PDE7A: variants seen among roughly 807,000 people sequenced by gnomAD.
PDE7A encodes phosphodiesterase 7A.
A neutral mutation model predicts 64.3 loss-of-function variants in PDE7A; 39 were observed. The ratio of observed to expected loss-of-function variants is 0.61; its 90% CI spans 0.47 to 0.79. The LOEUF is 0.79. Ranked by LOEUF, PDE7A falls within the 30% of genes least tolerant of loss-of-function variation. PDE7A has a pLI of 0.00. For missense variants in PDE7A, 470 were observed against 582.8 expected, an observed-to-expected ratio of 0.81 and a Z score of 1.99; for synonymous variants, 203 against 206.8, an observed-to-expected ratio of 0.98 and a Z score of 0.16.
chr8:65,761,963 C>G (rs1404743855), intron 3 of PDE7A, among the ~76,000 whole-genome samples: 1 of 152,178 alleles, frequency 6.6e-6, no homozygotes, highest in Admixed American at 6.5e-5. Context: ...ACAAAAGAGG[C>G]CTTTAACAGA....
chr8:65,792,347 A>C (rs1809723988), intron 1 of PDE7A, among the ~76,000 whole-genome samples: 3 of 152,214 alleles, frequency 2.0e-5, no homozygotes, highest in South Asian at 2.1e-4. Context: ...AGCAGACCTC[A>C]CTATTTTATG....
At chr8:65,751,952 T>C (rs77141667) in intron 3 of PDE7A, among the ~76,000 whole-genome samples, 7,893 of 152,300 alleles carry the variant, frequency 0.052, 708 homozygotes, top group African/African-American at 0.18. Context: ...TGTTCTTTTA[T>C]AAGGCTGTAA....
chr8:65,756,005 T>C (rs1808225298), intron 3 of PDE7A, among the ~76,000 whole-genome samples: 1 of 152,266 alleles, frequency 6.6e-6, no homozygotes, highest in Non-Finnish European at 1.5e-5. Flanking sequence ...CTCCCCTTCA[T>C]TCTTCAAGGA....
At chr8:65,823,214 G>T (rs917392583) in intron 1 of PDE7A, among the ~76,000 whole-genome samples, 1 of 152,010 alleles carries the variant, frequency 6.6e-6, no homozygotes, top group African/African-American at 2.4e-5. Context: ...GAAATGAGCT[G>T]AGGCCAACCA....
At chr8:65,839,824 T>G (rs1037445344) in intron 1 of PDE7A, among the ~76,000 whole-genome samples, 1 of 152,200 alleles carries the variant, frequency 6.6e-6, no homozygotes, top group African/African-American at 2.4e-5. Context: ...TCAGCCTCAT[T>G]TTAATCCCTT....
chr8:65,808,635 T>C (rs1810167609), intron 1 of PDE7A, among the ~76,000 whole-genome samples: 1 of 152,234 alleles, frequency 6.6e-6, no homozygotes, highest in Non-Finnish European at 1.5e-5. Flanking sequence ...TTGCATGTTC[T>C]TTCCCTTGAT....
chr8:65,809,001 C>A lies in PDE7A; in HGVS notation c.139-26158G>T, dbSNP rs558793927. The stretch of plus-strand genomic sequence containing the variant: ...TGATCTGATTCATGAAATTGCATAA[C>A]CTCTACTCCTAAAGAGGATATAGTA... On this transcript the variant is annotated intron_variant, in intron 1 of 12. Coordinates refer to ENST00000401827, the MANE Select transcript of PDE7A (RefSeq NM_001242318.3). Among the ~76,000 whole-genome samples the A allele has an allele frequency of 1.2e-4, 19 of 152,278 alleles. 1 individual carries two copies. The highest frequency in any genetic ancestry group is 4.3e-4 in the African/African-American group (18 of 41,576).
At chr8:65,838,152 T>C (rs1384318873) in intron 1 of PDE7A, among the ~76,000 whole-genome samples, 1 of 152,230 alleles carries the variant, frequency 6.6e-6, no homozygotes, top group African/African-American at 2.4e-5. Context: ...AAAATCTGAC[T>C]GAATAATTCT....
chr8:65,728,649 C>T (rs532955184), intron 7 of PDE7A: 1 of 120,620 alleles, frequency 8.3e-6, no homozygotes, highest in Non-Finnish European at 2.0e-5. Flanking sequence ...ATAAAGCATA[C>T]TGCATATAAA....
intron 7 of PDE7A, among the ~76,000 whole-genome samples, chr8:65,732,067 C>T (rs1468553270): frequency 4.6e-5 from 7 of 151,992 alleles, no homozygotes; most frequent in Admixed American, 3.3e-4. Context: ...GGCATGATCT[C>T]GGTTCACTGG....
At chr8:65,784,036 C>CA (rs975990551) in intron 1 of PDE7A, among the ~76,000 whole-genome samples, 7 of 146,430 alleles carry the variant, frequency 4.8e-5, no homozygotes, top group Admixed American at 6.8e-5. Flanking sequence ...AATTAACAAG[C>CA]AAAAAAAAAA....
At position 65,719,230 on chromosome 8, in the gene PDE7A, G is replaced by C. The variant is rs1340981425; in HGVS notation, c.*60C>G. ...CAAGAGTTAAGTTCTCTCACCTCAA[G>C]ACCCCATTTCACATTTCTAAAAACC... On this transcript the variant is annotated 3_prime_UTR_variant, in exon 13 of 13. Transcript: ENST00000401827. 1.1e-5 allele frequency: 12 copies of C among 1,138,428 alleles called. No individual in the cohort carries two copies. The highest frequency in any genetic ancestry group is 1.5e-5 in the Non-Finnish European group (11 of 748,022). The allele number at this position is 1,138,428 out of a possible 1,614,324, so 70.5% of individuals were successfully genotyped here.
chr8:65,742,671 TATATA>T (rs1444363202), intron 5 of PDE7A, among the ~76,000 whole-genome samples: 1 of 152,220 alleles, frequency 6.6e-6, no homozygotes, highest in East Asian at 1.9e-4. Flanking sequence ...CCATTCTCAT[TATATA>T]ATATAAGCTA....
At chr8:65,795,695 G>A (rs141547835) in intron 1 of PDE7A, among the ~76,000 whole-genome samples, 176 of 152,196 alleles carry the variant, frequency 1.2e-3, no homozygotes, top group Admixed American at 2.3e-3. Context: ...TACAATAAGC[G>A]TAAAGGGATC....
rs895216805 is a variant in PDE7A at position 65,809,949 on chromosome 8, AG to A, written c.139-27107del. Among the ~76,000 whole-genome samples the A allele has an allele frequency of 2.0e-5, 3 of 152,206 alleles. 1 individual carries two copies. The highest frequency in any genetic ancestry group is 1.5e-5 in the Non-Finnish European group (1 of 68,040). ...TGGAAGACAGTGTGGCGATTCCTCA[AG>A]GATCTAGAACTAGAATTACCATTTG... On this transcript the variant is annotated intron_variant, in intron 1 of 12. Transcript: ENST00000401827.
chr8:65,735,877 G>A (rs551032129), intron 6 of PDE7A, among the ~76,000 whole-genome samples: 2 of 152,062 alleles, frequency 1.3e-5, no homozygotes, highest in South Asian at 2.1e-4. Flanking sequence ...CACCCACCTC[G>A]GCCTCCCAAA....
At chr8:65,834,851 T>C (rs1294947993) in intron 1 of PDE7A, among the ~76,000 whole-genome samples, 2 of 152,168 alleles carry the variant, frequency 1.3e-5, no homozygotes, top group South Asian at 2.1e-4. Context: ...CCTTCCCTTA[T>C]AAAAGGAACC....
intron 1 of PDE7A, among the ~76,000 whole-genome samples, chr8:65,788,553 T>C (rs1160174982): frequency 6.6e-6 from 1 of 152,216 alleles, no homozygotes; most frequent in African/African-American, 2.4e-5. Context: ...GTTTAAAATA[T>C]ATACACCAAA....
intron 3 of PDE7A, among the ~76,000 whole-genome samples, chr8:65,758,262 T>A (rs1808329371): frequency 6.6e-6 from 1 of 152,182 alleles, no homozygotes. Context: ...CCCACCCCCA[T>A]CAGGCCCTCA....
Sources: allele counts gnomAD v4.1 joint callset (sites outside exome capture counted in the v4.1 genomes callset), GRCh38; gene constraint gnomAD v4.1.1; transcripts MANE v1.5; gene names NCBI Gene and HGNC (gene_info 2026-07-23, HGNC 2026-07-21).